EXOC4: variants seen among roughly 807,000 people sequenced by gnomAD.
EXOC4 encodes exocyst complex component 4.
In EXOC4, 71 loss-of-function variants were observed where a neutral mutation model predicts 107.2. The observed-to-expected ratio is 0.66, with a 90% CI of 0.55 to 0.81. The LOEUF (loss-of-function observed/expected upper bound fraction) is 0.81, where lower values mean the gene tolerates loss of function less well. Ranked by LOEUF, EXOC4 falls within the 30% of genes least tolerant of loss-of-function variation. EXOC4 has a pLI of 0.00. For synonymous variants in EXOC4, 456 were observed against 441.2 expected (o/e 1.03, Z -0.42); for missense variants, 1,108 against 1,189.6 (o/e 0.93, Z 1.01).
intron 13 of EXOC4, among the ~76,000 whole-genome samples, chr7:133,931,577 C>G (rs1178508311): frequency 6.6e-6 from 1 of 152,100 alleles, no homozygotes; most frequent in Non-Finnish European, 1.5e-5. Flanking sequence ...GTAACTTAAA[C>G]TAAAAGTATA....
intron 9 of EXOC4, among the ~76,000 whole-genome samples, chr7:133,517,317 C>G (rs1799895752): frequency 6.6e-6 from 1 of 152,104 alleles, no homozygotes; most frequent in Non-Finnish European, 1.5e-5. Context: ...GTACCTGCTA[C>G]TATCAATTGT....
chr7:133,553,903 T>C (rs1476978451), intron 9 of EXOC4, among the ~76,000 whole-genome samples: 1 of 152,178 alleles, frequency 6.6e-6, no homozygotes, highest in Non-Finnish European at 1.5e-5. Flanking sequence ...GGTGCTTACA[T>C]TTGTACTTTA....
chr7:133,885,251 T>C (rs1045581288), intron 11 of EXOC4, among the ~76,000 whole-genome samples: 1 of 151,470 alleles, frequency 6.6e-6, no homozygotes, highest in African/African-American at 2.4e-5. Context: ...GAGACGGAGG[T>C]TGCAGTGAGC....
the EXOC4 span, among the ~76,000 whole-genome samples, chr7:134,099,298 G>C: frequency 0.2 from 30,904 of 151,686 alleles, 4,671 homozygotes; most frequent in African/African-American, 0.43. Flanking sequence ...TTCACCATCC[G>C]CCTCATGCTT....
chr7:133,352,736 T>G (rs1340947179), intron 5 of EXOC4, among the ~76,000 whole-genome samples: 1 of 152,096 alleles, frequency 6.6e-6, no homozygotes, highest in East Asian at 1.9e-4. Context: ...CATTACTGTA[T>G]TATTTTGTGT....
chr7:133,700,010 G>A (rs954567838), intron 10 of EXOC4, among the ~76,000 whole-genome samples: 1 of 152,116 alleles, frequency 6.6e-6, no homozygotes, highest in Non-Finnish European at 1.5e-5. Flanking sequence ...CTGACATTAT[G>A]TTCATGTGTT....
chr7:133,654,885 T>G lies in EXOC4; in HGVS notation c.1514+24744T>G, dbSNP rs1434589390. Among the ~76,000 whole-genome samples, 3 of 152,126 alleles carry G rather than the reference T, an allele frequency of 2.0e-5. No homozygotes were observed. In the East Asian group the frequency reaches 5.8e-4, roughly 29 times the overall value. On this transcript the variant is annotated intron_variant, in intron 10 of 17. Transcript: ENST00000253861. ...ATTATAGGCAGTTGCAACACAATGG[T>G]AAGTACTTGTGTGTTTAAACATCTA...
At chr7:133,809,346 G>A (rs967318723) in intron 10 of EXOC4, among the ~76,000 whole-genome samples, 3 of 152,208 alleles carry the variant, frequency 2.0e-5, no homozygotes, top group Non-Finnish European at 4.4e-5. Flanking sequence ...GGCACAATGA[G>A]GATGGGACCG....
chr7:133,540,406 TA>T (rs1202493405), intron 9 of EXOC4, among the ~76,000 whole-genome samples: 1 of 152,186 alleles, frequency 6.6e-6, no homozygotes, highest in Non-Finnish European at 1.5e-5. Context: ...GAAAATATAT[TA>T]AAAACCAGTG....
chr7:134,062,959 C>T (rs756165384), intron 17 of EXOC4, among the ~76,000 whole-genome samples: 1 of 152,246 alleles, frequency 6.6e-6, no homozygotes, highest in Non-Finnish European at 1.5e-5. Flanking sequence ...CAAGTCTCCT[C>T]TTTCTGCTAG....
intron 17 of EXOC4, among the ~76,000 whole-genome samples, chr7:134,034,651 T>G (rs1000198747): frequency 3.9e-5 from 6 of 152,212 alleles, no homozygotes; most frequent in Non-Finnish European, 8.8e-5. Context: ...ATTGTAAGTT[T>G]CCTGAGGCCT....
At chr7:133,697,292 A>G (rs929159095) in intron 10 of EXOC4, among the ~76,000 whole-genome samples, 6 of 152,128 alleles carry the variant, frequency 3.9e-5, no homozygotes, top group African/African-American at 9.7e-5. Context: ...CAAGAAAAAA[A>G]TAGAAATTGG....
At chr7:134,067,430 C>T (rs1208131433), downstream of EXOC4, among the ~76,000 whole-genome samples, 1 of 152,080 alleles carries the variant, frequency 6.6e-6, no homozygotes, top group Non-Finnish European at 1.5e-5. Flanking sequence ...GCACTTCCTT[C>T]TAACACTGTT....
chr7:133,992,934 G>A (rs1386076730), intron 14 of EXOC4, among the ~76,000 whole-genome samples: 1 of 151,402 alleles, frequency 6.6e-6, no homozygotes, highest in East Asian at 1.9e-4. Context: ...TCTATACCCA[G>A]TTTCTTGAGA....
intron 12 of EXOC4, among the ~76,000 whole-genome samples, chr7:133,897,715 AT>A (rs1329224443): frequency 1.4e-5 from 2 of 146,970 alleles, no homozygotes; most frequent in Non-Finnish European, 3.0e-5. Flanking sequence ...CTTTTTTAAA[AT>A]TTTTAATTGA....
At chr7:133,793,318 T>C (rs1026517726) in intron 10 of EXOC4, among the ~76,000 whole-genome samples, 1 of 151,936 alleles carries the variant, frequency 6.6e-6, no homozygotes, top group African/African-American at 2.4e-5. Context: ...ACAGCTACAT[T>C]TGAGAATCTG....
At chr7:133,963,159 G>A (rs931371104) in intron 14 of EXOC4, among the ~76,000 whole-genome samples, 1 of 152,236 alleles carries the variant, frequency 6.6e-6, no homozygotes, top group Non-Finnish European at 1.5e-5. Flanking sequence ...ATCACTCACG[G>A]CAGTTGTGCC....
At chr7:133,499,111 GA>G (rs5887634) in intron 9 of EXOC4, among the ~76,000 whole-genome samples, 126,698 of 141,136 alleles carry the variant, frequency 0.9, 56,821 homozygotes, top group East Asian at 0.99. Flanking sequence ...GGAGCTTTTT[GA>G]AAAAAAAAAA....
intron 10 of EXOC4, among the ~76,000 whole-genome samples, chr7:133,734,943 G>T (rs1293150164): frequency 6.6e-6 from 1 of 151,348 alleles, no homozygotes; most frequent in African/African-American, 2.4e-5. Flanking sequence ...AGGCACGGTG[G>T]CTCACGCCTG....
Sources: allele counts gnomAD v4.1 joint callset (sites outside exome capture counted in the v4.1 genomes callset), GRCh38; gene constraint gnomAD v4.1.1; transcripts MANE v1.5; gene names NCBI Gene and HGNC (gene_info 2026-07-23, HGNC 2026-07-21).